Variants in LIN7A observed in about 807,000 individuals in gnomAD.
The protein encoded by LIN7A is lin-7 cell polarity scaffold A, also known as protein lin-7 homolog A.
Under a neutral mutation model 29.8 loss-of-function variants are expected in LIN7A, and 25 were observed. The ratio of observed to expected loss-of-function variants is 0.84; its 90% CI spans 0.61 to 1.17. The LOEUF (loss-of-function observed/expected upper bound fraction) is 1.17, where lower values mean the gene tolerates loss of function less well. Among genes scored for constraint, LIN7A ranks in the 50% most tolerant of loss-of-function variants. The pLI is 0.00. For synonymous variants in LIN7A, 118 were observed against 107.5 expected (o/e 1.10, Z -0.60); for missense variants, 239 against 287.0 (o/e 0.83, Z 1.21).
intron 4 of LIN7A, among the ~76,000 whole-genome samples, chr12:80,837,804 T>C (rs912032450): frequency 1.4e-4 from 22 of 152,146 alleles, no homozygotes; most frequent in African/African-American, 4.6e-4. Flanking sequence ...ATGGATATGT[T>C]ACATTTATAT....
chr12:80,870,529 A>C (rs957348416), intron 2 of LIN7A, among the ~76,000 whole-genome samples: 2 of 152,204 alleles, frequency 1.3e-5, no homozygotes, highest in Non-Finnish European at 2.9e-5. Flanking sequence ...GGGAGCACAG[A>C]GGTCTCATCA....
intron 1 of LIN7A, among the ~76,000 whole-genome samples, chr12:80,903,973 A>C (rs1876351417): frequency 2.0e-5 from 3 of 152,100 alleles, no homozygotes; most frequent in Admixed American, 1.3e-4. Flanking sequence ...TTTATAGAGT[A>C]AGTATAAATC....
intron 4 of LIN7A, among the ~76,000 whole-genome samples, chr12:80,823,077 G>C (rs2121521899): frequency 6.6e-6 from 1 of 152,230 alleles, no homozygotes; most frequent in Non-Finnish European, 1.5e-5. Context: ...ACCCACTGTG[G>C]GTCTCTTCTG....
At chr12:80,916,772 A>G (rs892345213) in intron 1 of LIN7A, among the ~76,000 whole-genome samples, 3 of 152,104 alleles carry the variant, frequency 2.0e-5, no homozygotes, top group African/African-American at 4.8e-5. Flanking sequence ...GAGGATTTAG[A>G]AACTGAGTGC....
At chr12:80,900,422 A>C (rs184543151) in intron 1 of LIN7A, among the ~76,000 whole-genome samples, 108 of 152,178 alleles carry the variant, frequency 7.1e-4, no homozygotes, top group Non-Finnish European at 1.2e-3. Context: ...TTCCCTCTTA[A>C]CACTGCTTTA....
intron 2 of LIN7A, among the ~76,000 whole-genome samples, chr12:80,862,085 G>T (rs1183853966): frequency 6.6e-6 from 1 of 152,074 alleles, no homozygotes; most frequent in Non-Finnish European, 1.5e-5. Context: ...TAGATGACTT[G>T]GTTATTTTCC....
chr12:80,904,655 C>T (rs1232366259), intron 1 of LIN7A, among the ~76,000 whole-genome samples: 1 of 152,120 alleles, frequency 6.6e-6, no homozygotes, highest in African/African-American at 2.4e-5. Context: ...ATGTGGTATA[C>T]ATACACAATT....
intron 1 of LIN7A, among the ~76,000 whole-genome samples, chr12:80,897,352 T>C (rs1008601809): frequency 2.6e-5 from 4 of 152,342 alleles, no homozygotes; most frequent in Non-Finnish European, 5.9e-5. Flanking sequence ...CCAGTGAAAT[T>C]AGCTTATTTT....
At chr12:80,807,082 T>TTTTGTTTTG (rs1565883915) in intron 5 of LIN7A, among the ~76,000 whole-genome samples, 1 of 134,584 alleles carries the variant, frequency 7.4e-6, no homozygotes, top group Non-Finnish European at 1.6e-5. Context: ...TTTTTTTTTT[T>TTTTGTTTTG]TTTTTTTTTG....
rs543388074 is a variant in LIN7A, at chr12:80,821,082, C to G, written c.484-9399G>C. ...CCCCCATACTCACCCCATTACAGTT[C>G]CACTTACAAAATGCAAATACATCTT... On this transcript the variant is annotated intron_variant, in intron 4 of 5. Transcript: ENST00000552864. Among the ~76,000 whole-genome samples the G allele has an allele frequency of 3.3e-5, 5 of 152,310 alleles. No individual in the cohort carries two copies. In the South Asian group the frequency reaches 1.0e-3, roughly 32 times the overall value.
intron 4 of LIN7A, among the ~76,000 whole-genome samples, chr12:80,826,648 G>A (rs542332676): frequency 5.3e-5 from 8 of 151,976 alleles, no homozygotes; most frequent in East Asian, 1.9e-4. Flanking sequence ...TCCGCCTCCC[G>A]AGTAGCTGGG....
intron 4 of LIN7A, among the ~76,000 whole-genome samples, chr12:80,837,923 A>G (rs1478846446): frequency 4.0e-5 from 6 of 151,866 alleles, no homozygotes; most frequent in Admixed American, 3.9e-4. Flanking sequence ...ACCACTCCAT[A>G]TCCAGGACTT....
At chr12:80,841,423 C>T (rs974186075) in intron 4 of LIN7A, among the ~76,000 whole-genome samples, 5 of 151,678 alleles carry the variant, frequency 3.3e-5, no homozygotes, top group African/African-American at 9.7e-5. Context: ...AAAGAAAGTA[C>T]GAACAGCACC....
At chr12:80,813,859 G>A (rs1871411006) in intron 4 of LIN7A, among the ~76,000 whole-genome samples, 1 of 152,014 alleles carries the variant, frequency 6.6e-6, no homozygotes, top group Non-Finnish European at 1.5e-5. Context: ...CTTGCTTCTT[G>A]GGTAAAGTAC....
intron 4 of LIN7A, among the ~76,000 whole-genome samples, chr12:80,818,003 C>T (rs76543086): frequency 0.011 from 1,736 of 152,266 alleles, 11 homozygotes; most frequent in Middle Eastern, 0.034. Context: ...ACCTGAAGGA[C>T]TCACTACTAC....
At chr12:80,811,128 T>A (rs973257497) in intron 5 of LIN7A, among the ~76,000 whole-genome samples, 4 of 152,196 alleles carry the variant, frequency 2.6e-5, no homozygotes, top group African/African-American at 9.6e-5. Flanking sequence ...CTCCTTAGGA[T>A]CTGGGTTTGC....
At chr12:80,890,163 A>G (rs1348434702) in intron 1 of LIN7A, among the ~76,000 whole-genome samples, 1 of 152,180 alleles carries the variant, frequency 6.6e-6, no homozygotes, top group African/African-American at 2.4e-5. Flanking sequence ...GTAGTCTTTT[A>G]TAGACATAAA....
At chr12:80,867,827 C>T (rs1874220592) in intron 2 of LIN7A, among the ~76,000 whole-genome samples, 1 of 152,142 alleles carries the variant, frequency 6.6e-6, no homozygotes, top group Non-Finnish European at 1.5e-5. Context: ...CACTAAACAT[C>T]AAGTATTTTC....
At chr12:80,929,658 G>A (rs771525997) in intron 1 of LIN7A, among the ~76,000 whole-genome samples, 6 of 151,964 alleles carry the variant, frequency 3.9e-5, no homozygotes, top group African/African-American at 9.7e-5. Flanking sequence ...GATTTTCCAC[G>A]TAGCCTCTGG....
Sources: gnomAD v4.1 joint callset for allele counts (sites outside exome capture counted in the v4.1 genomes callset) on GRCh38, gnomAD v4.1.1 for gene constraint, MANE v1.5 for transcripts, NCBI Gene and HGNC (gene_info 2026-07-23, HGNC 2026-07-21) for gene names.